PLCG2: variants seen among roughly 807,000 people sequenced by gnomAD.
The protein encoded by PLCG2 is 1-phosphatidylinositol 4,5-bisphosphate phosphodiesterase gamma-2.
Under a neutral mutation model 175.6 loss-of-function variants are expected in PLCG2, and 69 were observed. The observed-to-expected ratio is 0.39, with a 90% CI of 0.32 to 0.48. The LOEUF is 0.48. PLCG2 is among the 20% of genes least tolerant of loss of function. PLCG2 has a pLI of 0.91. For missense variants in PLCG2, 1,798 were observed against 1,650.9 expected (o/e 1.09, Z -1.54); for synonymous variants, 827 against 624.0 (o/e 1.33, Z -4.85).
At chr16:81,801,260 A>G (rs191687802) in intron 2 of PLCG2, among the ~76,000 whole-genome samples, 153 of 152,340 alleles carry the variant, frequency 1.0e-3, no homozygotes, top group African/African-American at 3.5e-3. Flanking sequence ...AATATAGTTA[A>G]GTTCTCATAA....
rs140189909 is a variant in PLCG2 at position 81,783,545 on chromosome 16, G to A, written c.-47-2398G>A. 2.0e-3 allele frequency among the ~76,000 whole-genome samples: 307 copies of A among 152,328 alleles called. 1 individual carries two copies. The highest frequency in any genetic ancestry group is 0.014 in the South Asian group (67 of 4,828). ...TTCTGGACTAGGGGCTTGGGACTCA[G>A]GTGAGGGTTTTGATCTTTGTGCTGC... On this transcript the variant is annotated intron_variant, in intron 1 of 32. Coordinates refer to ENST00000564138, the MANE Select transcript of PLCG2 (RefSeq NM_002661.5).
intron 2 of PLCG2, among the ~76,000 whole-genome samples, chr16:81,758,230 G>C (rs1038035200): frequency 1.3e-5 from 2 of 152,168 alleles, no homozygotes; most frequent in Non-Finnish European, 2.9e-5. Context: ...TGCCTGCCTG[G>C]GCCTCCCAAA....
chr16:81,852,530 A>G (rs7188868), intron 2 of PLCG2, among the ~76,000 whole-genome samples: 30,592 of 152,020 alleles, frequency 0.2, 3,128 homozygotes, highest in Non-Finnish European at 0.22. Flanking sequence ...TTCACTGGTC[A>G]TCTTGTAGGG....
chr16:81,864,337 C>T (rs1344932772), intron 5 of PLCG2, among the ~76,000 whole-genome samples: 1 of 152,178 alleles, frequency 6.6e-6, no homozygotes, highest in Admixed American at 6.5e-5. Flanking sequence ...TTCAACAAAA[C>T]AAAACAAAAT....
intron 7 of PLCG2, among the ~76,000 whole-genome samples, chr16:81,871,544 G>C (rs1907516293): frequency 6.6e-6 from 1 of 152,096 alleles, no homozygotes; most frequent in Non-Finnish European, 1.5e-5. Flanking sequence ...TGCCGCATTG[G>C]GTGGGCAGGT....
intron 2 of PLCG2, among the ~76,000 whole-genome samples, chr16:81,806,529 G>T (rs1027262983): frequency 1.3e-5 from 2 of 152,158 alleles, no homozygotes. Context: ...GACCCAGGCA[G>T]CACTGCTCAG....
At chr16:81,806,258 C>T (rs2143273886) in intron 2 of PLCG2, among the ~76,000 whole-genome samples, 1 of 152,052 alleles carries the variant, frequency 6.6e-6, no homozygotes, top group African/African-American at 2.4e-5. Flanking sequence ...TTTGCATTAC[C>T]TGCTTCCGTG....
At chr16:81,849,423 A>G (rs142974393) in intron 2 of PLCG2, among the ~76,000 whole-genome samples, 1 of 152,236 alleles carries the variant, frequency 6.6e-6, no homozygotes, top group East Asian at 1.9e-4. Context: ...AGTTATGTAT[A>G]ATTTTTCTGT....
Position 81,872,022 on chromosome 16 carries a change from A to G in PLCG2, c.648+1087A>G, listed in dbSNP as rs554199954. Among the ~76,000 whole-genome samples the G allele has an allele frequency of 3.9e-5, 6 of 152,324 alleles. No homozygotes were observed. The South Asian group carries it at 1.0e-3, about 26-fold the overall frequency. ...ATTTACATCAGGAGTCAGGTCTGCT[A>G]TTTTGTTAAAAATCATAGAATACAG... is the stretch of plus-strand genomic sequence containing the variant. On this transcript the variant is annotated intron_variant, in intron 7 of 32. Coordinates refer to ENST00000564138, the MANE Select transcript of PLCG2 (RefSeq NM_002661.5).
chr16:81,956,133 A>C (rs573480969), intron 31 of PLCG2, among the ~76,000 whole-genome samples: 1 of 152,324 alleles, frequency 6.6e-6, no homozygotes, highest in South Asian at 2.1e-4. Context: ...TGGACACTTC[A>C]TATAAATGGC....
intron 2 of PLCG2, among the ~76,000 whole-genome samples, chr16:81,800,124 A>C (rs538180626): frequency 3.3e-5 from 5 of 152,292 alleles, no homozygotes; most frequent in African/African-American, 1.2e-4. Flanking sequence ...AGGGGAGTTA[A>C]TTATGTATCA....
At chr16:81,948,759 G>A (rs535817608) in intron 31 of PLCG2, among the ~76,000 whole-genome samples, 1 of 152,252 alleles carries the variant, frequency 6.6e-6, no homozygotes, top group South Asian at 2.1e-4. Flanking sequence ...CCTAATGCTG[G>A]CTCCAAAGAG....
At chr16:81,789,229 A>G (rs906455017) in intron 2 of PLCG2, among the ~76,000 whole-genome samples, 1 of 152,238 alleles carries the variant, frequency 6.6e-6, no homozygotes, top group African/African-American at 2.4e-5. Flanking sequence ...CTTGAAATCT[A>G]TGCCCTGTCA....
intron 2 of PLCG2, among the ~76,000 whole-genome samples, chr16:81,807,890 A>G (rs142103409): frequency 5.0e-4 from 76 of 152,252 alleles, no homozygotes; most frequent in African/African-American, 1.8e-3. Flanking sequence ...CAGATCTCTC[A>G]AGAACTCACT....
At chr16:81,843,492 C>A (rs866103983) in intron 2 of PLCG2, among the ~76,000 whole-genome samples, 1 of 152,142 alleles carries the variant, frequency 6.6e-6, no homozygotes, top group African/African-American at 2.4e-5. Context: ...GATTGAAACA[C>A]CCCAGCCAAT....
upstream of PLCG2, among the ~76,000 whole-genome samples, chr16:81,778,020 A>AAAAAAAC (rs1567457628): frequency 6.0e-5 from 4 of 66,658 alleles, no homozygotes; most frequent in Non-Finnish European, 1.1e-4. Flanking sequence ...TTGTCTCAAA[A>AAAAAAAC]AAAAAAAAAA....
chr16:81,888,978 C>A (rs1007608583), intron 9 of PLCG2, among the ~76,000 whole-genome samples, 194 bp from the exon 10 acceptor site: 1 of 152,082 alleles, frequency 6.6e-6, no homozygotes, highest in African/African-American at 2.4e-5. Flanking sequence ...CTCTGGCTCT[C>A]TGCAGAGAAC....
At chr16:81,879,871 G>A (rs1313483519) in intron 7 of PLCG2, among the ~76,000 whole-genome samples, 1 of 152,164 alleles carries the variant, frequency 6.6e-6, no homozygotes, top group Non-Finnish European at 1.5e-5. Flanking sequence ...CAGTTGGCAC[G>A]GCAGTGGGCT....
intron 2 of PLCG2, among the ~76,000 whole-genome samples, chr16:81,826,208 A>G (rs998410407): frequency 3.9e-5 from 6 of 152,086 alleles, no homozygotes; most frequent in African/African-American, 1.4e-4. Flanking sequence ...TGCCACCTTC[A>G]TTTCTGGCAT....
Sources: allele counts gnomAD v4.1 joint callset (sites outside exome capture counted in the v4.1 genomes callset), GRCh38; gene constraint gnomAD v4.1.1; transcripts MANE v1.5; gene names NCBI Gene and HGNC (gene_info 2026-07-23, HGNC 2026-07-21).